Variants in ARSH observed in about 807,000 individuals in gnomAD.
ARSH encodes arylsulfatase family member H.
A neutral mutation model predicts 28.7 loss-of-function variants in ARSH; 32 were observed. The ratio of observed to expected loss-of-function variants is 1.11; its 90% CI spans 0.84 to 1.50. The LOEUF is 1.50. ARSH is among the 40% of genes most tolerant of loss of function. ARSH has a pLI of 0.00. For synonymous variants in ARSH, 176 were observed against 177.3 expected, an observed-to-expected ratio of 0.99 and a Z score of 0.06; for missense variants, 440 against 452.4, an observed-to-expected ratio of 0.97 and a Z score of 0.25.
chrX:3,008,970 CT>C (rs1019884515), intron 1 of ARSH, among the ~76,000 whole-genome samples: 21 of 110,312 alleles, frequency 1.9e-4, no homozygotes, highest in African/African-American at 6.2e-4. Flanking sequence ...ACAGGCACGT[CT>C]TTTTTTTAAC....
At chrX:3,015,521 T>C (rs2089863782) in intron 4 of ARSH, 128 bp downstream of exon 4, 1 of 654,744 alleles carries the variant, frequency 1.5e-6, no homozygotes, top group African/African-American at 2.2e-5. Context: ...TTTGGCTTTC[T>C]GTTCCTGTAT....
At chrX:3,012,647 A>C in intron 2 of ARSH, among the ~76,000 whole-genome samples, 1 of 88,742 alleles carries the variant, frequency 1.1e-5, no homozygotes, top group East Asian at 3.7e-4. Flanking sequence ...TGAAAAAGAA[A>C]TTGTCACTCC....
In ARSH at chrX:3,009,926, C is replaced by A. The variant is rs956238558; in HGVS notation, c.93-104C>A. 18 of 973,941 alleles carry A rather than the reference C, an allele frequency of 1.8e-5. No homozygotes were observed. In the African/African-American group the frequency reaches 2.3e-4, roughly 13 times the overall value. The allele number at this position is 973,941 out of a possible 1,213,427, so 80.3% of individuals were successfully genotyped here. A position where few individuals can be genotyped will look rare whatever the true frequency, so the allele number is the denominator to read the frequency against. ...TTAAAAAGATGGATTTTAGGTTTAC[C>A]AGAAATAGAGTCAACTTGACCCAAA... On this transcript the variant is annotated intron_variant, in intron 1 of 8. Transcript: ENST00000381130.
At chrX:3,023,933 G>A (rs1169745012) in intron 5 of ARSH, 88 bp from the exon 6 acceptor site, 2 of 1,044,331 alleles carry the variant, frequency 1.9e-6, no homozygotes, top group South Asian at 2.0e-5. Flanking sequence ...AACGCTATGT[G>A]TAATAAATAC....
intron 4 of ARSH, among the ~76,000 whole-genome samples, chrX:3,017,072 T>C (rs1268101948): frequency 9.0e-6 from 1 of 111,008 alleles, no homozygotes; most frequent in Admixed American, 9.7e-5. Context: ...TCATTATTTA[T>C]TCCAACACAA....
intron 2 of ARSH, 131 bp downstream of exon 2, chrX:3,010,282 G>A: frequency 1.2e-6 from 1 of 867,934 alleles, no homozygotes; most frequent in East Asian, 3.5e-5. Flanking sequence ...AAAGGTGGTT[G>A]TTATCCCTGG....
chrX:3,012,605 T>TATATA (rs1555914151), intron 2 of ARSH, among the ~76,000 whole-genome samples: 3 of 25,120 alleles, frequency 1.2e-4, no homozygotes, highest in Admixed American at 6.0e-4. Context: ...ATATAATATA[T>TATATA]ATATGTATGT....
chrX:3,017,307 T>A (rs1221447454), intron 4 of ARSH, among the ~76,000 whole-genome samples: 1 of 111,637 alleles, frequency 9.0e-6, no homozygotes, highest in Non-Finnish European at 1.9e-5. Context: ...GGCTCATGTC[T>A]GTAATCCCAG....
Position 3,015,214 on chromosome X carries a change from G to A in ARSH, c.585G>A (p.Lys195=). The A allele has an allele frequency of 8.3e-7, 1 of 1,210,774 alleles. No individual in the cohort carries two copies. The highest frequency in any genetic ancestry group is 1.1e-6 in the Non-Finnish European group (1 of 895,118). The change falls in exon 4 of 9, where the codon AAG becomes AAA. Residue 195 remains lysine, a synonymous_variant. Transcript: ENST00000381130. ...KFARWFSVPW[K]VIFVFALLAF... Reference sequence around the variant, plus strand: ...CCCGCTGGTTCTCAGTGCCATGGAAGGTCATCTTTGTCTTTGCTCTCCTCG... The same window carrying A: ...CCCGCTGGTTCTCAGTGCCATGGAAAGTCATCTTTGTCTTTGCTCTCCTCG...
chrX:3,018,490 C>T, intron 4 of ARSH, 44 bp from the exon 5 acceptor site: 1 of 1,179,785 alleles, frequency 8.5e-7, no homozygotes, highest in Non-Finnish European at 1.1e-6. Context: ...ATGGAAATGA[C>T]TTCATATTTG....
chrX:3,018,789 T>A, intron 5 of ARSH, 119 bp downstream of exon 5: 1 of 745,673 alleles, frequency 1.3e-6, no homozygotes, highest in Non-Finnish European at 1.9e-6. Flanking sequence ...CTGAAAAGTA[T>A]CTGTTTCATC....
At chrX:3,017,881 G>A (rs968350661) in intron 4 of ARSH, among the ~76,000 whole-genome samples, 2 of 112,524 alleles carry the variant, frequency 1.8e-5, no homozygotes, top group African/African-American at 6.5e-5. Flanking sequence ...TGAAACAATA[G>A]ATGAGGAGAA....
chrX:3,008,212 C>T (rs774208992), intron 1 of ARSH, among the ~76,000 whole-genome samples: 27 of 112,179 alleles, frequency 2.4e-4, no homozygotes, highest in African/African-American at 7.7e-4. Flanking sequence ...ACATACACCA[C>T]ATTAGTCTAC....
chrX:3,009,968 C>T (rs543315976), intron 1 of ARSH, 62 bp from the exon 2 acceptor site: 1 of 1,168,716 alleles, frequency 8.6e-7, no homozygotes, highest in African/African-American at 1.8e-5. Flanking sequence ...TAGCTTTGAT[C>T]CTTGATCATT....
chrX:3,028,156 A>G (rs773759002), intron 7 of ARSH, among the ~76,000 whole-genome samples: 72 of 112,260 alleles, frequency 6.4e-4, no homozygotes, highest in African/African-American at 2.1e-3. Flanking sequence ...ATGTGTGCTA[A>G]ATGATATTAT....
At chrX:3,026,692 T>C (rs915802075) in intron 6 of ARSH, among the ~76,000 whole-genome samples, 2 of 111,877 alleles carry the variant, frequency 1.8e-5, no homozygotes, top group African/African-American at 6.5e-5. Flanking sequence ...AGGGGACTTT[T>C]GTCTAAGAAG....
At chrX:3,009,945 AC>A in intron 1 of ARSH, 84 bp from the exon 2 acceptor site, 3 of 1,099,846 alleles carry the variant, frequency 2.7e-6, no homozygotes, top group Non-Finnish European at 3.7e-6. Flanking sequence ...AGTCAACTTG[AC>A]CCAAAATAGA....
At position 3,015,121 on chromosome X, in the gene ARSH, GATCA is replaced by G; in HGVS notation, c.494_497del (p.Ile165AsnfsTer7). On this transcript the variant is annotated frameshift_variant, in exon 4 of 9. Coordinates refer to ENST00000381130, the MANE Select transcript of ARSH (RefSeq NM_001011719.2). LOFTEE classifies it high-confidence loss of function. ...CACCAGAACTGCACCGCTGGCTCAG[GATCA>G]AACTGTGGATCTCCACGGTAGCCCT... The G allele has an allele frequency of 8.3e-7, 1 of 1,209,752 alleles. No individual in the cohort carries two copies. The highest frequency in any genetic ancestry group is 1.1e-6 in the Non-Finnish European group (1 of 894,530).
chrX:3,022,869 C>T (rs990632736), intron 5 of ARSH, among the ~76,000 whole-genome samples: 3 of 110,778 alleles, frequency 2.7e-5, no homozygotes, highest in Non-Finnish European at 1.9e-5. Context: ...TGGCTTTGCT[C>T]ATATGTTCCT....
Sources: gnomAD v4.1 joint callset for allele counts (sites outside exome capture counted in the v4.1 genomes callset) on GRCh38, gnomAD v4.1.1 for gene constraint, MANE v1.5 for transcripts, NCBI Gene and HGNC (gene_info 2026-07-23, HGNC 2026-07-21) for gene names.